Variants in LSAMP observed in about 807,000 individuals in gnomAD.
LSAMP encodes limbic system associated membrane protein.
LSAMP carries 7 observed loss-of-function variants against 38.6 expected under a neutral mutation model. The ratio of observed to expected loss-of-function variants is 0.18; its 90% CI spans 0.10 to 0.34. The LOEUF is 0.34. Among genes scored for constraint, LSAMP ranks in the 10% least tolerant of loss-of-function variants. The pLI is 1.00. For missense variants in LSAMP, 313 were observed against 420.0 expected (o/e 0.75, Z 2.23); for synonymous variants, 154 against 166.8 (o/e 0.92, Z 0.59).
intron 2 of LSAMP, among the ~76,000 whole-genome samples, chr3:116,067,205 C>G (rs1707478497): frequency 6.6e-6 from 1 of 152,120 alleles, no homozygotes; most frequent in African/African-American, 2.4e-5. Flanking sequence ...AGTGTCTGAG[C>G]TTGTACCCTC....
At chr3:116,258,386 A>G (rs2107655600) in intron 1 of LSAMP, among the ~76,000 whole-genome samples, 1 of 152,124 alleles carries the variant, frequency 6.6e-6, no homozygotes, top group African/African-American at 2.4e-5. Context: ...ATTCTTCTGT[A>G]TCTTTTTTTA....
rs756624524 is a variant in LSAMP at position 116,332,866 on chromosome 3, C to G, written c.155+112011G>C. Among the ~76,000 whole-genome samples, 19 of 151,800 alleles carry G rather than the reference C, an allele frequency of 1.3e-4. No homozygotes were observed. The South Asian group carries it at 1.5e-3, about 12-fold the overall frequency. On this transcript the variant is annotated intron_variant, in intron 1 of 6. Coordinates refer to ENST00000490035, the MANE Select transcript of LSAMP (RefSeq NM_002338.5). ...CTCTACTAGTATCAGACAAAATGAACTTAAAATAAAATAGTTTATAAGAAA... is the reference window on the plus strand; with the variant it reads ...CTCTACTAGTATCAGACAAAATGAAGTTAAAATAAAATAGTTTATAAGAAA...
chr3:116,329,881 G>GT (rs1252985502), intron 1 of LSAMP, among the ~76,000 whole-genome samples: 3 of 151,612 alleles, frequency 2.0e-5, no homozygotes, highest in African/African-American at 7.3e-5. Flanking sequence ...ATATGAAAGG[G>GT]TTTAAAAAAA....
chr3:115,812,961 T>C (rs1030651317), intron 6 of LSAMP, among the ~76,000 whole-genome samples: 1 of 152,158 alleles, frequency 6.6e-6, no homozygotes, highest in Admixed American at 6.5e-5. Flanking sequence ...GATAAACATG[T>C]TCACATATAA....
chr3:116,055,153 T>C (rs1216744255), intron 2 of LSAMP, among the ~76,000 whole-genome samples: 1 of 152,182 alleles, frequency 6.6e-6, no homozygotes, highest in Non-Finnish European at 1.5e-5. Context: ...TTTAAAAAAT[T>C]GGCTCTTGAT....
At chr3:116,140,224 C>T (rs187682946) in intron 1 of LSAMP, among the ~76,000 whole-genome samples, 2 of 152,064 alleles carry the variant, frequency 1.3e-5, no homozygotes, top group Admixed American at 1.3e-4. Context: ...ATTCTCTAAA[C>T]ATGGACATCG....
chr3:116,402,387 G>A (rs988939026), intron 1 of LSAMP, among the ~76,000 whole-genome samples: 9 of 152,110 alleles, frequency 5.9e-5, no homozygotes, highest in Admixed American at 2.6e-4. Flanking sequence ...AGCAAAATGT[G>A]TACATGTTAC....
At chr3:116,126,271 C>A (rs1006141672) in intron 1 of LSAMP, among the ~76,000 whole-genome samples, 3 of 152,118 alleles carry the variant, frequency 2.0e-5, no homozygotes, top group Admixed American at 2.0e-4. Context: ...ACATGACCAC[C>A]CTAGGTACCA....
chr3:116,337,315 A>ATGTT lies in LSAMP; in HGVS notation c.155+107558_155+107561dup, dbSNP rs2047933061. Among the ~76,000 whole-genome samples, 3 of 152,034 alleles carry ATGTT rather than the reference A, an allele frequency of 2.0e-5. No individual in the cohort carries two copies. The South Asian group carries it at 6.2e-4, about 32-fold the overall frequency. ...CTACACATTTGAAATGGGAAATTTTATGTTACATATATTTTGACACAATAA... is the reference window on the plus strand; with the variant it reads ...CTACACATTTGAAATGGGAAATTTTATGTTTGTTACATATATTTTGACACAATAA... On this transcript the variant is annotated intron_variant, in intron 1 of 6. Coordinates refer to ENST00000490035, the MANE Select transcript of LSAMP (RefSeq NM_002338.5).
At chr3:115,823,205 C>T (rs1256138457) in intron 6 of LSAMP, among the ~76,000 whole-genome samples, 1 of 152,196 alleles carries the variant, frequency 6.6e-6, no homozygotes, top group South Asian at 2.1e-4. Flanking sequence ...GAAAGGAGGA[C>T]TCTTACTGGG....
intron 1 of LSAMP, among the ~76,000 whole-genome samples, chr3:116,241,137 A>ACTGCACTCCAG (rs1196436885): frequency 6.6e-6 from 1 of 151,710 alleles, no homozygotes; most frequent in African/African-American, 2.4e-5. Context: ...AGATCGCACC[A>ACTGCACTCCAG]CTGCACTCCA....
At chr3:116,027,039 T>C (rs1199720258) in intron 2 of LSAMP, among the ~76,000 whole-genome samples, 1 of 152,188 alleles carries the variant, frequency 6.6e-6, no homozygotes, top group African/African-American at 2.4e-5. Context: ...AAACAACAAA[T>C]GCTTTTTTAG....
intron 1 of LSAMP, among the ~76,000 whole-genome samples, chr3:116,110,477 G>A (rs1016783870): frequency 2.0e-5 from 3 of 152,156 alleles, no homozygotes; most frequent in African/African-American, 4.8e-5. Flanking sequence ...GTCTGTGACC[G>A]GCGCCGGAGT....
intron 1 of LSAMP, among the ~76,000 whole-genome samples, chr3:116,441,048 C>A (rs78160848): frequency 0.045 from 6,806 of 152,198 alleles, 210 homozygotes; most frequent in Non-Finnish European, 0.07. Flanking sequence ...TTCTTCTTTT[C>A]CCCCCTTGGT....
chr3:116,357,302 C>T (rs535233745), intron 1 of LSAMP, among the ~76,000 whole-genome samples: 59 of 152,036 alleles, frequency 3.9e-4, no homozygotes, highest in Middle Eastern at 3.4e-3. Context: ...TAAATGAAAA[C>T]GCTGTTTTAT....
intron 1 of LSAMP, among the ~76,000 whole-genome samples, chr3:116,352,307 G>A (rs1355107891): frequency 6.6e-6 from 1 of 152,202 alleles, no homozygotes; most frequent in Admixed American, 6.6e-5. Flanking sequence ...TACTATGAAA[G>A]AGTTGGGTTG....
intron 1 of LSAMP, among the ~76,000 whole-genome samples, chr3:116,341,388 T>C (rs1013075354): frequency 1.3e-5 from 2 of 151,954 alleles, no homozygotes; most frequent in African/African-American, 2.4e-5. Context: ...AATGATCTCC[T>C]AGATAAGGAA....
At chr3:116,356,857 C>G (rs1051053506) in intron 1 of LSAMP, among the ~76,000 whole-genome samples, 1 of 151,958 alleles carries the variant, frequency 6.6e-6, no homozygotes, top group Non-Finnish European at 1.5e-5. Context: ...GCAGTGGCGC[C>G]ATCTCGGCTC....
At chr3:115,885,674 ATAGATGCTTCTTATCAATCAAGAAGCATT>A (rs368946854) in intron 3 of LSAMP, among the ~76,000 whole-genome samples, 2,122 of 151,682 alleles carry the variant, frequency 0.014, 35 homozygotes, top group African/African-American at 0.046. Flanking sequence ...ATAAAGCAAG[ATAGATGCTTCTTATCAATCAAGAAGCATT>A]TAGATGCTTC....
Sources: gnomAD v4.1 joint callset for allele counts (sites outside exome capture counted in the v4.1 genomes callset) on GRCh38, gnomAD v4.1.1 for gene constraint, MANE v1.5 for transcripts, NCBI Gene and HGNC (gene_info 2026-07-23, HGNC 2026-07-21) for gene names.